Variants in EDIL3 observed in about 807,000 individuals in gnomAD.
EDIL3 encodes the protein EGF like and discoidin domains 3.
Under a neutral mutation model 67.4 loss-of-function variants are expected in EDIL3, and 37 were observed. The ratio of observed to expected loss-of-function variants is 0.55; its 90% CI spans 0.42 to 0.72. The LOEUF (loss-of-function observed/expected upper bound fraction) is 0.72, where lower values mean the gene tolerates loss of function less well. Among genes scored for constraint, EDIL3 ranks in the 30% least tolerant of loss-of-function variants. EDIL3 has a pLI of 0.00. For missense variants in EDIL3, 527 were observed against 586.3 expected (o/e 0.90, Z 1.04); for synonymous variants, 195 against 196.3 (o/e 0.99, Z 0.05).
At chr5:84,225,912 A>G (rs1263835780) in intron 3 of EDIL3, among the ~76,000 whole-genome samples, 2 of 151,698 alleles carry the variant, frequency 1.3e-5, no homozygotes, top group Non-Finnish European at 3.0e-5. Flanking sequence ...TTCAAAATTC[A>G]TACATTAACA....
In EDIL3 at chr5:83,963,368, A is replaced by G; in HGVS notation, c.1138-8T>C. Reference sequence around the variant, plus strand: ...TGGAACAAGAAGATCCACCTTAAAAAAAAGAAAAATACAGGCTTTAAATGC... The same window carrying G: ...TGGAACAAGAAGATCCACCTTAAAAGAAAGAAAAATACAGGCTTTAAATGC... On this transcript the variant is annotated splice_polypyrimidine_tract_variant and splice_region_variant and intron_variant, in intron 9 of 10. Transcript: ENST00000296591. 6.3e-7 allele frequency: 1 copy of G among 1,590,896 alleles called. No homozygotes were observed. Among genetic ancestry groups the G allele is most frequent in the Non-Finnish European group, 8.5e-7 (1 of 1,172,278 alleles).
At chr5:84,020,534 C>G (rs1181867627) in intron 9 of EDIL3, among the ~76,000 whole-genome samples, 1 of 151,954 alleles carries the variant, frequency 6.6e-6, no homozygotes, top group African/African-American at 2.4e-5. Context: ...ATCTCTTTAA[C>G]TTTCAGGGGA....
chr5:84,215,306 T>C (rs897930473), intron 3 of EDIL3, among the ~76,000 whole-genome samples: 2 of 151,650 alleles, frequency 1.3e-5, no homozygotes, highest in Non-Finnish European at 2.9e-5. Context: ...CAGGCTGGAG[T>C]GCAGTGGCAC....
intron 1 of EDIL3, among the ~76,000 whole-genome samples, chr5:84,329,424 T>C (rs1279875478): frequency 9.9e-5 from 15 of 152,134 alleles, no homozygotes; most frequent in Admixed American, 9.8e-4. Flanking sequence ...CTTAGATGCC[T>C]TGCTATGAAG....
intron 1 of EDIL3, among the ~76,000 whole-genome samples, chr5:84,299,244 A>G (rs1475652504): frequency 1.3e-5 from 2 of 152,202 alleles, no homozygotes; most frequent in Non-Finnish European, 2.9e-5. Flanking sequence ...TTTTTAAAAA[A>G]ATGATATAGG....
intron 9 of EDIL3, among the ~76,000 whole-genome samples, chr5:84,004,956 A>T (rs1302845488): frequency 6.6e-6 from 1 of 152,114 alleles, no homozygotes; most frequent in Non-Finnish European, 1.5e-5. Flanking sequence ...TAATAAGGAA[A>T]AAAAATGAGA....
intron 1 of EDIL3, among the ~76,000 whole-genome samples, chr5:84,368,218 T>A (rs546183225): frequency 6.6e-6 from 1 of 152,268 alleles, no homozygotes; most frequent in East Asian, 1.9e-4. Flanking sequence ...ATTTTAAAAC[T>A]TACTGCAATG....
intron 9 of EDIL3, among the ~76,000 whole-genome samples, chr5:83,998,849 G>A (rs761830068): frequency 1.1e-4 from 17 of 152,210 alleles, no homozygotes; most frequent in Non-Finnish European, 2.1e-4. Context: ...TACTGTGCCA[G>A]CTTCAGGTGT....
intron 9 of EDIL3, among the ~76,000 whole-genome samples, chr5:84,025,507 C>A (rs1745795147): frequency 1.3e-5 from 2 of 152,014 alleles, no homozygotes; most frequent in Admixed American, 1.3e-4. Context: ...TTATATATTA[C>A]AATGTAATAA....
chr5:84,273,538 T>C (rs964169956), intron 1 of EDIL3, among the ~76,000 whole-genome samples: 3 of 152,200 alleles, frequency 2.0e-5, no homozygotes, highest in Non-Finnish European at 4.4e-5. Context: ...TTCATAAAAA[T>C]GTTTTTAAAA....
chr5:84,350,537 C>A (rs1446085463), intron 1 of EDIL3, among the ~76,000 whole-genome samples: 2 of 151,908 alleles, frequency 1.3e-5, no homozygotes, highest in South Asian at 2.1e-4. Flanking sequence ...ATAGGCCAAT[C>A]ATTTATTTGA....
chr5:83,963,400 C>T lies in EDIL3; in HGVS notation c.1138-40G>A, dbSNP rs747717468. 4 of 1,547,868 alleles carry T rather than the reference C, an allele frequency of 2.6e-6. No homozygotes were observed. In the Admixed American group the frequency reaches 8.3e-5, roughly 32 times the overall value. ...AAATACAGGCTTTAAATGCGACAAC[C>T]AAGTTGTAAACTTCCAAGTCTTTTG... On this transcript the variant is annotated intron_variant, in intron 9 of 10. Coordinates refer to ENST00000296591, the MANE Select transcript of EDIL3 (RefSeq NM_005711.5).
chr5:84,312,374 G>A (rs1040162451), intron 1 of EDIL3, among the ~76,000 whole-genome samples: 19 of 145,406 alleles, frequency 1.3e-4, no homozygotes, highest in Non-Finnish European at 6.1e-5. Flanking sequence ...CGGCTGGCCG[G>A]GCGGGGGGCT....
intron 9 of EDIL3, among the ~76,000 whole-genome samples, chr5:84,037,561 A>G (rs551609098): frequency 6.6e-6 from 1 of 152,346 alleles, no homozygotes; most frequent in South Asian, 2.1e-4. Context: ...TGATATATAA[A>G]CAGATTTCAG....
chr5:84,228,922 T>C (rs1248277709), intron 3 of EDIL3, among the ~76,000 whole-genome samples: 3 of 152,104 alleles, frequency 2.0e-5, no homozygotes, highest in Admixed American at 1.3e-4. Context: ...ATTCTGACCA[T>C]TAATTTCAGG....
intron 10 of EDIL3, among the ~76,000 whole-genome samples, chr5:83,947,671 A>C (rs1299374452): frequency 6.6e-6 from 1 of 151,848 alleles, no homozygotes; most frequent in African/African-American, 2.4e-5. Flanking sequence ...GCATGCCTCA[A>C]TACAATAGGA....
chr5:84,341,266 G>A (rs1427535616), intron 1 of EDIL3, among the ~76,000 whole-genome samples: 1 of 151,884 alleles, frequency 6.6e-6, no homozygotes, highest in East Asian at 1.9e-4. Context: ...TGCTTTCAAC[G>A]TGTTTCAGAA....
Position 84,368,048 on chromosome 5 carries a change from T to C in EDIL3, c.67+16260A>G, listed in dbSNP as rs369183912. Among the ~76,000 whole-genome samples, 8 of 152,306 alleles carry C rather than the reference T, an allele frequency of 5.3e-5. No individual in the cohort carries two copies. The East Asian group carries it at 1.2e-3, about 22-fold the overall frequency. Reference sequence around the variant, plus strand: ...CTCCCTACCTAGGCAAAAATTGCACTGGCAGAATTTGTCTGATGTAACTAT... The same window carrying C: ...CTCCCTACCTAGGCAAAAATTGCACCGGCAGAATTTGTCTGATGTAACTAT... On this transcript the variant is annotated intron_variant, in intron 1 of 10. Transcript: ENST00000296591.
intron 1 of EDIL3, among the ~76,000 whole-genome samples, chr5:84,312,466 G>A (rs901722251): frequency 6.9e-6 from 1 of 144,234 alleles, no homozygotes; most frequent in African/African-American, 2.6e-5. Context: ...GCCGGGCAGA[G>A]GCGCTCCTCA....
Sources: allele counts gnomAD v4.1 joint callset (sites outside exome capture counted in the v4.1 genomes callset), GRCh38; gene constraint gnomAD v4.1.1; transcripts MANE v1.5; gene names NCBI Gene and HGNC (gene_info 2026-07-23, HGNC 2026-07-21).